Variants in SMPX observed in about 807,000 individuals in gnomAD.
SMPX encodes small muscular protein.
In SMPX, 2 loss-of-function variants were observed where a neutral mutation model predicts 6.3. The ratio of observed to expected loss-of-function variants is 0.32; its 90% CI spans 0.13 to 0.99. The LOEUF (loss-of-function observed/expected upper bound fraction) is 0.99, where lower values mean the gene tolerates loss of function less well. SMPX is among the 50% of genes least tolerant of loss of function. The probability of loss-of-function intolerance (pLI) is 0.49; values close to 1 mark genes in which losing one functional copy is unlikely to be tolerated. For missense variants in SMPX, 60 were observed against 66.8 expected (o/e 0.90, Z 0.36); for synonymous variants, 32 against 24.7 (o/e 1.30, Z -0.88).
At chrX:21,712,137 A>T (rs1236776655) in intron 4 of SMPX, among the ~76,000 whole-genome samples, 1 of 112,322 alleles carries the variant, frequency 8.9e-6, no homozygotes, top group African/African-American at 3.2e-5. Context: ...CTTTTTTCCC[A>T]AACAGATACT....
chrX:21,715,648 A>G (rs1169398227), intron 4 of SMPX, among the ~76,000 whole-genome samples: 1 of 111,059 alleles, frequency 9.0e-6, no homozygotes, highest in African/African-American at 3.3e-5. Flanking sequence ...TACCCAGGGG[A>G]TGCTGTTGCT....
intron 3 of SMPX, 130 bp from the exon 4 acceptor site, chrX:21,737,827 C>T: frequency 6.3e-6 from 4 of 630,198 alleles, no homozygotes; most frequent in Non-Finnish European, 7.6e-6. Flanking sequence ...GAGTGACTGT[C>T]CCTTGTGTTG....
chrX:21,720,805 G>A (rs1243696107), intron 4 of SMPX, among the ~76,000 whole-genome samples: 1 of 112,378 alleles, frequency 8.9e-6, no homozygotes, highest in African/African-American at 3.2e-5. Flanking sequence ...TTGAACCAAA[G>A]TTTACAGTGC....
chrX:21,732,550 G>A (rs1443190445), intron 4 of SMPX, among the ~76,000 whole-genome samples: 2 of 112,184 alleles, frequency 1.8e-5, no homozygotes, highest in East Asian at 5.6e-4. Context: ...CAGGGCACCG[G>A]CAACATCCTC....
chrX:21,731,450 CACATA>C (rs758368720), intron 4 of SMPX, among the ~76,000 whole-genome samples: 62 of 89,218 alleles, frequency 6.9e-4, no homozygotes, highest in Non-Finnish European at 1.0e-3. Flanking sequence ...TGTACACATA[CACATA>C]ATGTGTGTAT....
chrX:21,737,724 C>T, intron 3 of SMPX, 27 bp from the exon 4 acceptor site: 1 of 1,205,180 alleles, frequency 8.3e-7, no homozygotes, highest in Non-Finnish European at 1.1e-6. Flanking sequence ...AGAAATCCAA[C>T]TCACCAAAAA....
intron 2 of SMPX, among the ~76,000 whole-genome samples, chrX:21,750,431 T>G: frequency 8.9e-6 from 1 of 112,108 alleles, no homozygotes; most frequent in Non-Finnish European, 1.9e-5. Context: ...CATTCATTTA[T>G]GTACTGCCTA....
intron 4 of SMPX, among the ~76,000 whole-genome samples, chrX:21,714,833 C>A (rs2092782489): frequency 8.9e-6 from 1 of 112,379 alleles, no homozygotes. Flanking sequence ...GAGTTCATTT[C>A]CTTTGTCTAT....
At chrX:21,717,610 T>C (rs1203409716) in intron 4 of SMPX, among the ~76,000 whole-genome samples, 3 of 112,164 alleles carry the variant, frequency 2.7e-5, no homozygotes, top group Non-Finnish European at 3.8e-5. Flanking sequence ...TTAGGCACTG[T>C]GGATACACTA....
At chrX:21,732,626 G>C (rs1400371261) in intron 4 of SMPX, among the ~76,000 whole-genome samples, 2 of 112,229 alleles carry the variant, frequency 1.8e-5, no homozygotes, top group African/African-American at 6.5e-5. Context: ...CTATGCGATA[G>C]CATCATAAGG....
At chrX:21,726,430 T>TAG (rs1460831094) in intron 4 of SMPX, among the ~76,000 whole-genome samples, 1 of 112,806 alleles carries the variant, frequency 8.9e-6, no homozygotes, top group Non-Finnish European at 1.9e-5. Context: ...ACTGGGATTT[T>TAG]AGACTGGTAT....
intron 4 of SMPX, among the ~76,000 whole-genome samples, chrX:21,707,985 A>G (rs752977687): frequency 1.8e-5 from 2 of 112,846 alleles, no homozygotes; most frequent in Non-Finnish European, 3.7e-5. Context: ...GTGATTTGGT[A>G]TGCAGCAATA....
chrX:21,711,708 C>T (rs776769211), intron 4 of SMPX, among the ~76,000 whole-genome samples: 2 of 112,030 alleles, frequency 1.8e-5, no homozygotes, highest in African/African-American at 6.5e-5. Context: ...CCACTCAACA[C>T]TTGTCTGCAT....
In SMPX at chrX:21,758,064, G is replaced by C. The variant is rs1377205556; in HGVS notation, c.-135C>G. The C allele has an allele frequency of 3.0e-6, 1 of 329,548 alleles. No homozygotes were observed. Among genetic ancestry groups the C allele is most frequent in the Non-Finnish European group, 5.9e-6 (1 of 170,060 alleles). The allele number at this position is 329,548 out of a possible 1,213,427, so 27.2% of individuals were successfully genotyped here. A position where few individuals can be genotyped will look rare whatever the true frequency, so the allele number is the denominator to read the frequency against. ...TCTGAGCTGCGATCTCAATTCCGAT[G>C]CTTTTCATGTGGCTGAAATAGCTCT... On this transcript the variant is annotated 5_prime_UTR_variant, in exon 1 of 5. Coordinates refer to ENST00000379494, the MANE Select transcript of SMPX (RefSeq NM_014332.3).
chrX:21,726,372 C>CTGTT (rs1405748987), intron 4 of SMPX, among the ~76,000 whole-genome samples: 2 of 112,577 alleles, frequency 1.8e-5, no homozygotes, highest in African/African-American at 6.5e-5. Context: ...AAAATGAAAA[C>CTGTT]TGTTTGTCTT....
At chrX:21,745,501 G>A (rs1437651710) in intron 2 of SMPX, among the ~76,000 whole-genome samples, 2 of 111,904 alleles carry the variant, frequency 1.8e-5, no homozygotes, top group Non-Finnish European at 3.8e-5. Flanking sequence ...TTGGCAGGAT[G>A]TAAAATAATG....
At chrX:21,709,756 C>T (rs984493169) in intron 4 of SMPX, among the ~76,000 whole-genome samples, 3 of 111,987 alleles carry the variant, frequency 2.7e-5, no homozygotes, top group Non-Finnish European at 5.6e-5. Context: ...CACTTTACTG[C>T]TATGGTCACT....
Position 21,731,501 on chromosome X carries a change from A to G in SMPX, c.*14+6048T>C, listed in dbSNP as rs545497465. ...ACACATTATGTGTGTATGTGTACAC[A>G]TACACATTATGTGTGTATGTGTACA... On this transcript the variant is annotated intron_variant, in intron 4 of 4. Coordinates refer to ENST00000379494, the MANE Select transcript of SMPX (RefSeq NM_014332.3). Among the ~76,000 whole-genome samples, 27 of 81,367 alleles carry G rather than the reference A, an allele frequency of 3.3e-4. 3 individuals carry two copies. In the South Asian group the frequency reaches 3.7e-3, roughly 11 times the overall value. The allele number at this position is 81,367 out of a possible 115,157, so 70.7% of individuals were successfully genotyped here.
intron 3 of SMPX, among the ~76,000 whole-genome samples, chrX:21,740,872 G>A (rs1223529909): frequency 8.9e-6 from 1 of 112,287 alleles, no homozygotes; most frequent in Non-Finnish European, 1.9e-5. Context: ...CTATTTTGTG[G>A]CTTAATAATG....
Sources: gnomAD v4.1 joint callset for allele counts (sites outside exome capture counted in the v4.1 genomes callset) on GRCh38, gnomAD v4.1.1 for gene constraint, MANE v1.5 for transcripts, NCBI Gene and HGNC (gene_info 2026-07-23, HGNC 2026-07-21) for gene names.